GRB14: variants seen among roughly 807,000 people sequenced by gnomAD.
GRB14 encodes growth factor receptor-bound protein 14.
GRB14 carries 38 observed loss-of-function variants against 69.1 expected under a neutral mutation model. The observed-to-expected ratio is 0.55, with a 90% CI of 0.42 to 0.72. GRB14 has a LOEUF of 0.72. GRB14 is among the 30% of genes least tolerant of loss of function. The probability of loss-of-function intolerance (pLI) is 0.00; values close to 1 mark genes in which losing one functional copy is unlikely to be tolerated. For synonymous variants in GRB14, 247 were observed against 241.3 expected (o/e 1.02, Z -0.22); for missense variants, 666 against 666.1 (o/e 1.00, Z 0.00).
At chr2:164,569,856 A>C (rs1226527142) in intron 2 of GRB14, among the ~76,000 whole-genome samples, 1 of 152,186 alleles carries the variant, frequency 6.6e-6, no homozygotes, top group East Asian at 1.9e-4. Context: ...TGATCTTTTA[A>C]AAGAAAATTA....
chr2:164,593,979 C>T (rs1296354494), intron 2 of GRB14, among the ~76,000 whole-genome samples: 1 of 152,122 alleles, frequency 6.6e-6, no homozygotes, highest in Admixed American at 6.5e-5. Context: ...AATCATAACA[C>T]ATTATGCAGT....
intron 5 of GRB14, 137 bp from the exon 6 acceptor site, chr2:164,522,254 C>T: frequency 3.3e-6 from 2 of 609,734 alleles, no homozygotes; most frequent in Non-Finnish European, 5.8e-6. Context: ...TGGTAATTAA[C>T]TATGTGTTTG....
At chr2:164,616,110 A>G (rs1690285919) in intron 2 of GRB14, among the ~76,000 whole-genome samples, 1 of 152,168 alleles carries the variant, frequency 6.6e-6, no homozygotes, top group African/African-American at 2.4e-5. Flanking sequence ...ATCATTATAA[A>G]AAGAGGGAAA....
intron 2 of GRB14, among the ~76,000 whole-genome samples, chr2:164,550,546 T>C (rs1393309091): frequency 1.3e-5 from 2 of 152,200 alleles, no homozygotes. Flanking sequence ...GTGGTAAAAC[T>C]ATTTTGTACA....
In GRB14 at chr2:164,527,689, T is replaced by C. The variant is rs566531210; in HGVS notation, c.482-554A>G. On this transcript the variant is annotated intron_variant, in intron 3 of 13. Coordinates refer to ENST00000263915, the MANE Select transcript of GRB14 (RefSeq NM_004490.3). ...AATACAAGAAGATACAGGTTTTTTT[T>C]AAGAAGCCCAATTCCTTGGGGCACT... is the stretch of plus-strand genomic sequence containing the variant. Among the ~76,000 whole-genome samples the C allele has an allele frequency of 1.2e-4, 19 of 152,124 alleles. No individual in the cohort carries two copies. The South Asian group carries it at 2.1e-3, about 17-fold the overall frequency.
chr2:164,498,530 A>G (rs1686965375), intron 9 of GRB14, among the ~76,000 whole-genome samples: 1 of 152,152 alleles, frequency 6.6e-6, no homozygotes, highest in African/African-American at 2.4e-5. Context: ...AAGGAATTAA[A>G]ATTCTCCAAA....
Position 164,608,042 on chromosome 2 carries a change from A to G in GRB14, c.324+11645T>C, listed in dbSNP as rs574832984. Among the ~76,000 whole-genome samples the G allele has an allele frequency of 6.6e-4, 101 of 152,310 alleles. 1 individual carries two copies. The highest frequency in any genetic ancestry group is 1.3e-3 in the Admixed American group (20 of 15,288). On this transcript the variant is annotated intron_variant, in intron 2 of 13. Coordinates refer to ENST00000263915, the MANE Select transcript of GRB14 (RefSeq NM_004490.3). The stretch of plus-strand genomic sequence containing the variant: ...ATTGGCCAAATCAGACTTATATTTT[A>G]TCAAATAAAGCCCAACTTTACTTTT...
chr2:164,492,797 A>C lies in GRB14; in HGVS notation c.*239T>G. The C allele has an allele frequency of 2.7e-6, 1 of 373,626 alleles. No homozygotes were observed. Among genetic ancestry groups the C allele is most frequent in the Non-Finnish European group, 4.8e-6 (1 of 210,078 alleles). The allele number at this position is 373,626 out of a possible 1,614,324, so 23.1% of individuals were successfully genotyped here. ...AATATTATAGCAATGTAAAAATCAC[A>C]CAAGAACACACCAAGTCATTTTTTT... On this transcript the variant is annotated 3_prime_UTR_variant, in exon 14 of 14. Transcript: ENST00000263915.
intron 2 of GRB14, among the ~76,000 whole-genome samples, chr2:164,593,745 G>A (rs1181289281): frequency 2.0e-5 from 3 of 152,276 alleles, no homozygotes; most frequent in South Asian, 4.1e-4. Context: ...GCAGAACAGA[G>A]GCAGAAGAAT....
rs117728387 is a variant in GRB14 at position 164,523,167 on chromosome 2, G to A, written c.679-1050C>T. On this transcript the variant is annotated intron_variant, in intron 5 of 13. Transcript: ENST00000263915. ...AAGGGGACCTTCAATCCCCAGCACTGAGTCAACGTGCCTCAGAGATGACCC... is the reference window on the plus strand; with the variant it reads ...AAGGGGACCTTCAATCCCCAGCACTAAGTCAACGTGCCTCAGAGATGACCC... Among the ~76,000 whole-genome samples, 39 of 152,158 alleles carry A rather than the reference G, an allele frequency of 2.6e-4. No homozygotes were observed. In the East Asian group the frequency reaches 7.4e-3, roughly 29 times the overall value.
rs756263018 is a variant in GRB14, at chr2:164,525,003, C to A, written c.678+1G>T. ...TATATGTTAATAAAAATATATTTTA[C>A]CTGCAAAATCTGTGTGGGGGATATT... is the stretch of plus-strand genomic sequence containing the variant. On this transcript the variant is annotated splice_donor_variant, in intron 5 of 13. Transcript: ENST00000263915. LOFTEE classifies it high-confidence loss of function. 15 of 1,532,570 alleles carry A rather than the reference C, an allele frequency of 9.8e-6. No individual in the cohort carries two copies. Among genetic ancestry groups the A allele is most frequent in the African/African-American group, 1.4e-5 (1 of 71,856 alleles). The allele number at this position is 1,532,570 out of a possible 1,614,324, so 94.9% of individuals were successfully genotyped here. A position where few individuals can be genotyped will look rare whatever the true frequency, so the allele number is the denominator to read the frequency against.
At chr2:164,611,814 T>C (rs929204651) in intron 2 of GRB14, among the ~76,000 whole-genome samples, 3 of 152,108 alleles carry the variant, frequency 2.0e-5, no homozygotes, top group South Asian at 2.1e-4. Context: ...ACCCCAAACA[T>C]ACTCTTTATC....
rs987265941 is a variant in GRB14, at chr2:164,508,781, T to C, written c.888A>G (p.Lys296=). The change falls in exon 7 of 14, where the codon AAA becomes AAG. Residue 296 remains lysine, a synonymous_variant. Transcript: ENST00000263915. ...CATAGTTAGTCGGTGCTCCATGTTT[T>C]TTTTTGCCTGCCAGTGACACATAAA... ...SDIYVSLAGK[K]KHGAPTNYGF... is the part of the protein sequence containing the mutation. 5.6e-6 allele frequency: 9 copies of C among 1,594,594 alleles called. No individual in the cohort carries two copies. The highest frequency in any genetic ancestry group is 1.7e-4 in the Middle Eastern group (1 of 5,958).
At chr2:164,582,271 A>G (rs1277886369) in intron 2 of GRB14, among the ~76,000 whole-genome samples, 5 of 152,196 alleles carry the variant, frequency 3.3e-5, no homozygotes, top group Non-Finnish European at 7.3e-5. Context: ...CAAGTTGCAT[A>G]AACCAGAAAT....
chr2:164,508,855 T>TAAA lies in GRB14; in HGVS notation c.817-6_817-4dup. 1.4e-6 allele frequency: 2 copies of TAAA among 1,385,190 alleles called. No individual in the cohort carries two copies. Among genetic ancestry groups the TAAA allele is most frequent in the South Asian group, 1.4e-5 (1 of 70,884 alleles). 85.8% of individuals were successfully genotyped at this position (1,385,190 alleles called of 1,614,324 possible). A position where few individuals can be genotyped will look rare whatever the true frequency, so the allele number is the denominator to read the frequency against. On this transcript the variant is annotated splice_region_variant and splice_polypyrimidine_tract_variant and intron_variant, in intron 6 of 13. Transcript: ENST00000263915. ...AAAAACTGCAAATGCCGCGGTTCCT[T>TAAA]AAAAAAAAAAGTATTGACATGGATA...
At chr2:164,568,329 T>C in intron 2 of GRB14, 1 of 1,288,576 alleles carries the variant, frequency 7.8e-7, no homozygotes, top group Non-Finnish European at 1.0e-6. Flanking sequence ...TTCTGTAGAA[T>C]TATTGGCGTT....
At chr2:164,615,338 A>C (rs888660663) in intron 2 of GRB14, among the ~76,000 whole-genome samples, 1 of 152,224 alleles carries the variant, frequency 6.6e-6, no homozygotes, top group Non-Finnish European at 1.5e-5. Flanking sequence ...TGGAGAAGAA[A>C]GCTAGAAGAA....
chr2:164,513,779 C>G (rs1687403227), intron 6 of GRB14, among the ~76,000 whole-genome samples: 2 of 152,106 alleles, frequency 1.3e-5, no homozygotes, highest in South Asian at 2.1e-4. Flanking sequence ...AGAAAAAAGA[C>G]AGTTTAACCC....
At chr2:164,598,896 T>C (rs1022478931) in intron 2 of GRB14, among the ~76,000 whole-genome samples, 9 of 152,210 alleles carry the variant, frequency 5.9e-5, no homozygotes, top group African/African-American at 2.2e-4. Flanking sequence ...GGATCTCTTA[T>C]TATCACACTA....
Sources: gnomAD v4.1 joint callset for allele counts (sites outside exome capture counted in the v4.1 genomes callset) on GRCh38, gnomAD v4.1.1 for gene constraint, MANE v1.5 for transcripts, NCBI Gene and HGNC (gene_info 2026-07-23, HGNC 2026-07-21) for gene names.